The following MYH10 variants were observed in gnomAD, a reference collection of about 807,000 sequenced individuals.
MYH10 encodes the protein myosin-10.
Under a neutral mutation model 257.8 loss-of-function variants are expected in MYH10, and 55 were observed. The ratio of observed to expected loss-of-function variants is 0.21; its 90% CI spans 0.17 to 0.27. The LOEUF (loss-of-function observed/expected upper bound fraction) is 0.27, where lower values mean the gene tolerates loss of function less well. Among genes scored for constraint, MYH10 ranks in the 10% least tolerant of loss-of-function variants. The probability of loss-of-function intolerance (pLI) is 1.00; values close to 1 mark genes in which losing one functional copy is unlikely to be tolerated. For missense variants in MYH10, 1,631 were observed against 2,500.6 expected (o/e 0.65, Z 7.42); for synonymous variants, 854 against 921.7 (o/e 0.93, Z 1.33).
At chr17:8,605,617 G>A (rs965876612) in intron 2 of MYH10, among the ~76,000 whole-genome samples, 31 of 152,016 alleles carry the variant, frequency 2.0e-4, no homozygotes, top group African/African-American at 7.5e-4. Context: ...AGTGGCAGGC[G>A]CCTGTAATCC....
chr17:8,545,705 A>G lies in MYH10; in HGVS notation c.1279-105T>C. On this transcript the variant is annotated intron_variant, in intron 12 of 42. Coordinates refer to ENST00000360416, the MANE Select transcript of MYH10 (RefSeq NM_001256012.3). This position sits in a 1 kb window ranked among gnomAD's most constrained non-coding sequence, Gnocchi z 4.7. ...TTATACAGCACTCAAAAAACCTGAG[A>G]TGGCATTCACTGCTTAATCATGTCT... is the stretch of plus-strand genomic sequence containing the variant. 1 of 1,115,266 alleles carries G rather than the reference A, an allele frequency of 9.0e-7. No homozygotes were observed. Among genetic ancestry groups the G allele is most frequent in the Non-Finnish European group, 1.3e-6 (1 of 792,902 alleles). 69.1% of individuals were successfully genotyped at this position (1,115,266 alleles called of 1,614,324 possible).
At position 8,506,255 on chromosome 17, in the gene MYH10, A is replaced by C. The variant is rs1221191302; in HGVS notation, c.3386+63T>G. On this transcript the variant is annotated intron_variant, in intron 27 of 42. Coordinates refer to ENST00000360416, the MANE Select transcript of MYH10 (RefSeq NM_001256012.3). The surrounding 1 kb of genome is among the most constrained non-coding windows in gnomAD (Gnocchi z 5.0). ...AGGGTTTTTGAATGCTCCCGAACATAACAAAGTCTGCTGAAACTCAGCCCC... is the reference window on the plus strand; with the variant it reads ...AGGGTTTTTGAATGCTCCCGAACATCACAAAGTCTGCTGAAACTCAGCCCC... 2 of 1,494,942 alleles carry C rather than the reference A, an allele frequency of 1.3e-6. No individual in the cohort carries two copies. The highest frequency in any genetic ancestry group is 4.7e-5 in the East Asian group (2 of 42,240). The allele number at this position is 1,494,942 out of a possible 1,614,324, so 92.6% of individuals were successfully genotyped here.
intron 2 of MYH10, among the ~76,000 whole-genome samples, chr17:8,617,725 A>G (rs988141649): frequency 6.6e-6 from 1 of 152,190 alleles, no homozygotes; most frequent in Non-Finnish European, 1.5e-5. Flanking sequence ...ACAATGTACA[A>G]AACAGTGGAG....
chr17:8,512,756 G>A, intron 23 of MYH10, 99 bp from the exon 24 acceptor site: 1 of 906,104 alleles, frequency 1.1e-6, no homozygotes, highest in Non-Finnish European at 1.6e-6. Context: ...CAAAGAAACT[G>A]GGAGATAAAA....
chr17:8,531,450 A>T (rs555170703), intron 16 of MYH10, among the ~76,000 whole-genome samples: 1 of 152,146 alleles, frequency 6.6e-6, no homozygotes, highest in Non-Finnish European at 1.5e-5. Flanking sequence ...AAAGTAGGGC[A>T]TTATAAATCT....
chr17:8,503,651 C>T (rs143846984), intron 28 of MYH10, among the ~76,000 whole-genome samples: 15 of 152,312 alleles, frequency 9.8e-5, no homozygotes, highest in South Asian at 2.1e-4. Flanking sequence ...TCTGGGGAAA[C>T]GCACTGGTTT....
chr17:8,580,863 T>C (rs1000478712), intron 4 of MYH10, among the ~76,000 whole-genome samples: 9 of 151,872 alleles, frequency 5.9e-5, no homozygotes, highest in Admixed American at 2.0e-4. Flanking sequence ...TAAGAACAGA[T>C]AAAGATTATT....
intron 24 of MYH10, among the ~76,000 whole-genome samples, chr17:8,510,644 T>G (rs550073974): frequency 1.3e-5 from 2 of 152,218 alleles, no homozygotes; most frequent in Admixed American, 6.5e-5. Flanking sequence ...TTTGGAATAA[T>G]AGCAACACAG....
chr17:8,592,595 C>T (rs1049073244), intron 3 of MYH10, among the ~76,000 whole-genome samples: 3 of 151,624 alleles, frequency 2.0e-5, no homozygotes, highest in South Asian at 4.2e-4. Flanking sequence ...AAAACTCACT[C>T]AAGAAGAAAT....
In MYH10 at chr17:8,506,923, G is replaced by A. The variant is rs1194750733; in HGVS notation, c.3215-434C>T. ...CTGAACCAAGAAAACTGCCATCCTC[G>A]AGTACTGGGAGAGAGGAGACAGAAG... On this transcript the variant is annotated intron_variant, in intron 26 of 42. Coordinates refer to ENST00000360416, the MANE Select transcript of MYH10 (RefSeq NM_001256012.3). This position sits in a 1 kb window ranked among gnomAD's most constrained non-coding sequence, Gnocchi z 5.0. 6.6e-6 allele frequency among the ~76,000 whole-genome samples: 1 copy of A among 152,138 alleles called. No individual in the cohort carries two copies. The highest frequency in any genetic ancestry group is 2.4e-5 in the African/African-American group (1 of 41,428).
chr17:8,497,980 CTTTTT>C (rs71159593), intron 30 of MYH10, among the ~76,000 whole-genome samples: 12 of 103,426 alleles, frequency 1.2e-4, no homozygotes, highest in Non-Finnish European at 1.9e-4. Context: ...AATACTATGC[CTTTTT>C]TTTTTTTTTT....
intron 30 of MYH10, 148 bp downstream of exon 30, chr17:8,499,122 A>C: frequency 1.5e-6 from 1 of 668,632 alleles, no homozygotes; most frequent in Non-Finnish European, 2.6e-6. Flanking sequence ...CACTAGGGAC[A>C]CCTAAGACTC....
At position 8,515,038 on chromosome 17, in the gene MYH10, T is replaced by G. The variant is rs1313244190; in HGVS notation, c.2505-1144A>C. Among the ~76,000 whole-genome samples, 4 of 152,114 alleles carry G rather than the reference T, an allele frequency of 2.6e-5. No individual in the cohort carries two copies. The East Asian group carries it at 7.7e-4, about 29-fold the overall frequency. The stretch of plus-strand genomic sequence containing the variant: ...CACGGCTGCGCTCCCACCTAGACTC[T>G]GAGTTCCTCAGGAGCAGGGATCATG... On this transcript the variant is annotated intron_variant, in intron 21 of 42. Transcript: ENST00000360416.
At chr17:8,500,705 A>G (rs1410873905) in intron 29 of MYH10, 121 bp downstream of exon 29, 6 of 1,215,308 alleles carry the variant, frequency 4.9e-6, no homozygotes, top group South Asian at 1.7e-5. Context: ...CAGCCCACTC[A>G]GTGACGTACA....
At chr17:8,554,766 A>T (rs988698434) in intron 7 of MYH10, among the ~76,000 whole-genome samples, 1 of 152,170 alleles carries the variant, frequency 6.6e-6, no homozygotes, top group Non-Finnish European at 1.5e-5. Flanking sequence ...CCCGGCCAAT[A>T]CGGTGAAACC....
intron 40 of MYH10, 70 bp downstream of exon 40, chr17:8,480,040 G>A: frequency 1.3e-6 from 2 of 1,511,710 alleles, no homozygotes; most frequent in Non-Finnish European, 1.8e-6. Context: ...CCCCGAAAGG[G>A]GCATGCCTGT....
At chr17:8,522,409 G>A (rs759190570) in intron 17 of MYH10, among the ~76,000 whole-genome samples, 3 of 152,170 alleles carry the variant, frequency 2.0e-5, no homozygotes, top group Non-Finnish European at 2.9e-5. Context: ...GGAGAAGGGC[G>A]GGTAAAAGCT....
At chr17:8,574,104 A>G (rs976838719) in intron 6 of MYH10, among the ~76,000 whole-genome samples, 2 of 152,218 alleles carry the variant, frequency 1.3e-5, no homozygotes, top group African/African-American at 4.8e-5. Flanking sequence ...CATTAATTAC[A>G]ATGGCCAAAA....
intron 7 of MYH10, among the ~76,000 whole-genome samples, chr17:8,568,888 G>GA (rs937606997): frequency 6.6e-6 from 1 of 151,788 alleles, no homozygotes; most frequent in African/African-American, 2.4e-5. Context: ...AACTGAGGAG[G>GA]AAAGTAAAGC....
Sources: allele counts gnomAD v4.1 joint callset (sites outside exome capture counted in the v4.1 genomes callset), GRCh38; gene constraint gnomAD v4.1.1; non-coding constraint Gnocchi (gnomAD v3.1); transcripts MANE v1.5; gene names NCBI Gene and HGNC (gene_info 2026-07-23, HGNC 2026-07-21).